The following PDE4D variants were observed in gnomAD, a reference collection of about 807,000 sequenced individuals.
The protein encoded by PDE4D is phosphodiesterase 4D.
PDE4D carries 24 observed loss-of-function variants against 87.4 expected under a neutral mutation model. The ratio of observed to expected loss-of-function variants is 0.27; its 90% confidence interval spans 0.20 to 0.39. PDE4D has a LOEUF of 0.39. PDE4D is among the 10% of genes least tolerant of loss of function. The pLI, the probability that PDE4D is intolerant of heterozygous loss-of-function variation, is 1.00. For missense variants in PDE4D, 714 were observed against 1,041.0 expected (o/e 0.69, Z 4.32); for synonymous variants, 384 against 383.2 (o/e 1.00, Z -0.02).
At chr5:59,636,545 C>A (rs1445432631) in intron 1 of PDE4D, among the ~76,000 whole-genome samples, 1 of 152,122 alleles carries the variant, frequency 6.6e-6, no homozygotes, top group Non-Finnish European at 1.5e-5. Flanking sequence ...GCTACTGGTA[C>A]CAAAACAGGT....
chr5:60,306,200 C>A, intron 1 of PDE4D, among the ~76,000 whole-genome samples: 1 of 151,824 alleles, frequency 6.6e-6, no homozygotes, highest in East Asian at 1.9e-4. Flanking sequence ...CAAAGGTAAA[C>A]CTTAACATAA....
rs149593479 is a variant in PDE4D at position 59,123,936 on chromosome 5, T to TAA, written c.808+56657_808+56658dup. On this transcript the variant is annotated intron_variant, in intron 5 of 14. Coordinates refer to ENST00000340635, the MANE Select transcript of PDE4D (RefSeq NM_001104631.2). ...CACCAGCTTTCTCATCTGTATGATG[T>TAA]AAAAAAAAGAGCAGCACTGTTTAGT... Among the ~76,000 whole-genome samples the TAA allele has an allele frequency of 4.6e-5, 7 of 152,010 alleles. No individual in the cohort carries two copies. In the East Asian group the frequency reaches 1.4e-3, roughly 29 times the overall value.
intron 2 of PDE4D, among the ~76,000 whole-genome samples, chr5:60,112,679 GA>G (rs1256393208): frequency 6.6e-6 from 1 of 152,046 alleles, no homozygotes; most frequent in Non-Finnish European, 1.5e-5. Context: ...AAAACCATCT[GA>G]ATAGATTCTC....
chr5:59,586,618 A>G (rs1046808335), intron 1 of PDE4D: 16 of 1,239,780 alleles, frequency 1.3e-5, no homozygotes, highest in Non-Finnish European at 1.5e-5. Context: ...GGGTCCATCC[A>G]TTTAGGTTCC....
intron 1 of PDE4D, chr5:59,217,348 G>T (rs1751484232): frequency 2.2e-6 from 1 of 448,044 alleles, no homozygotes. Context: ...CTATTAACTA[G>T]CTCATTTTAA....
intron 2 of PDE4D, among the ~76,000 whole-genome samples, chr5:60,020,380 T>A (rs1360724653): frequency 6.6e-6 from 1 of 152,136 alleles, no homozygotes; most frequent in East Asian, 1.9e-4. Flanking sequence ...ATCAATACAC[T>A]TGTTAGATGT....
chr5:59,427,506 G>A (rs1795468296), intron 1 of PDE4D, among the ~76,000 whole-genome samples: 1 of 152,132 alleles, frequency 6.6e-6, no homozygotes, highest in African/African-American at 2.4e-5. Flanking sequence ...GTGAGGATGG[G>A]TTAGAAGAGC....
At chr5:60,185,549 T>A in intron 2 of PDE4D, 8 of 1,521,986 alleles carry the variant, frequency 5.3e-6, no homozygotes, top group Non-Finnish European at 7.1e-6. Context: ...AAAACAAAAG[T>A]TACTTACACT....
At chr5:60,049,327 C>T (rs1769773226) in intron 2 of PDE4D, among the ~76,000 whole-genome samples, 1 of 152,178 alleles carries the variant, frequency 6.6e-6, no homozygotes. Flanking sequence ...TCCAGTACCT[C>T]AGCGTAATTT....
chr5:59,824,403 C>T (rs1260353765), intron 1 of PDE4D, among the ~76,000 whole-genome samples: 1 of 152,118 alleles, frequency 6.6e-6, no homozygotes, highest in Non-Finnish European at 1.5e-5. Context: ...GAATGTAACC[C>T]TTCTGTGAGC....
At chr5:59,912,767 T>A (rs1753592736) in intron 3 of PDE4D, among the ~76,000 whole-genome samples, 1 of 152,180 alleles carries the variant, frequency 6.6e-6, no homozygotes, top group South Asian at 2.1e-4. Context: ...GATACTGTGG[T>A]GAACAAAACA....
At chr5:59,664,277 C>G (rs976191427) in intron 1 of PDE4D, among the ~76,000 whole-genome samples, 1 of 152,004 alleles carries the variant, frequency 6.6e-6, no homozygotes, top group African/African-American at 2.4e-5. Flanking sequence ...TATCTCAAGC[C>G]ATATAATCAA....
At chr5:59,954,906 C>T (rs4700346) in intron 3 of PDE4D, among the ~76,000 whole-genome samples, 149,652 of 152,310 alleles carry the variant, frequency 0.98, 73,544 homozygotes, top group East Asian at 1. Context: ...GTAACATACC[C>T]TATATAATTT....
At chr5:59,236,354 A>G (rs1437641372) in intron 1 of PDE4D, among the ~76,000 whole-genome samples, 1 of 152,210 alleles carries the variant, frequency 6.6e-6, no homozygotes, top group East Asian at 1.9e-4. Flanking sequence ...TATTTCATCA[A>G]TGAAGTAAAG....
At chr5:59,368,924 T>G (rs1783517482) in intron 1 of PDE4D, among the ~76,000 whole-genome samples, 2 of 152,184 alleles carry the variant, frequency 1.3e-5, no homozygotes, top group African/African-American at 4.8e-5. Context: ...AAATCATAAT[T>G]AAAAAGCAAT....
chr5:59,741,551 T>G (rs955160719), intron 1 of PDE4D, among the ~76,000 whole-genome samples: 1 of 152,202 alleles, frequency 6.6e-6, no homozygotes, highest in Non-Finnish European at 1.5e-5. Flanking sequence ...CTATATAAAG[T>G]TGCCGTATAT....
In PDE4D at chr5:59,395,896, T is replaced by C. The variant is rs374626462; in HGVS notation, c.456-179928A>G. Reference sequence around the variant, plus strand: ...ACAGAGAAGTGCTTAAAGGAGCTGATGGAGCTGAAAACCAAGGCTCAAGAA... The same window carrying C: ...ACAGAGAAGTGCTTAAAGGAGCTGACGGAGCTGAAAACCAAGGCTCAAGAA... On this transcript the variant is annotated intron_variant, in intron 1 of 14. Coordinates refer to ENST00000340635, the MANE Select transcript of PDE4D (RefSeq NM_001104631.2). 3.3e-5 allele frequency among the ~76,000 whole-genome samples: 4 copies of C among 119,566 alleles called. 2 individuals carry two copies. The highest frequency in any genetic ancestry group is 1.3e-4 in the African/African-American group (4 of 29,788). The allele number at this position is 119,566 out of a possible 152,430, so 78.4% of individuals were successfully genotyped here. A position where few individuals can be genotyped will look rare whatever the true frequency, so the allele number is the denominator to read the frequency against.
chr5:60,514,729 A>T (rs533219515), intron 1 of PDE4D, among the ~76,000 whole-genome samples: 7 of 152,016 alleles, frequency 4.6e-5, no homozygotes, highest in Non-Finnish European at 7.4e-5. Flanking sequence ...TAACACCACA[A>T]AAAAAATAAC....
chr5:59,340,184 T>A (rs1778467635), intron 1 of PDE4D, among the ~76,000 whole-genome samples: 1 of 152,200 alleles, frequency 6.6e-6, no homozygotes, highest in African/African-American at 2.4e-5. Flanking sequence ...CTCATAAAAT[T>A]TGATCTCATT....
Sources: allele counts gnomAD v4.1 joint callset (sites outside exome capture counted in the v4.1 genomes callset), GRCh38; gene constraint gnomAD v4.1.1; transcripts MANE v1.5; gene names NCBI Gene and HGNC (gene_info 2026-07-23, HGNC 2026-07-21).